Variants in TSPAN3 observed in about 807,000 individuals in gnomAD.
The protein encoded by TSPAN3 is tetraspanin 3.
A neutral mutation model predicts 31.1 loss-of-function variants in TSPAN3; 9 were observed. The ratio of observed to expected loss-of-function variants is 0.29; its 90% CI spans 0.17 to 0.50. The LOEUF (loss-of-function observed/expected upper bound fraction) is 0.50. Among genes scored for constraint, TSPAN3 ranks in the 20% least tolerant of loss-of-function variants. TSPAN3 has a pLI of 0.98. For missense variants in TSPAN3, 252 were observed against 313.5 expected (o/e 0.80, Z 1.48); for synonymous variants, 129 against 114.3 (o/e 1.13, Z -0.82).
chr15:77,057,068 A>G (rs2076773193), intron 1 of TSPAN3, among the ~76,000 whole-genome samples: 1 of 152,220 alleles, frequency 6.6e-6, no homozygotes, highest in African/African-American at 2.4e-5. Context: ...GACAAGTGAT[A>G]GGTGTGTCTT....
rs2076677454 is a variant in TSPAN3, at chr15:77,044,455, G to C, written c.*2380C>G. 6.6e-6 allele frequency: 1 copy of C among 152,244 alleles called. No individual in the cohort carries two copies. Among genetic ancestry groups the C allele is most frequent in the African/African-American group, 2.4e-5 (1 of 41,448 alleles). 9.4% of individuals were successfully genotyped at this position (152,244 alleles called of 1,614,324 possible). A position where few individuals can be genotyped will look rare whatever the true frequency, so the allele number is the denominator to read the frequency against. On this transcript the variant is annotated 3_prime_UTR_variant, in exon 7 of 7. Transcript: ENST00000267970. Reference sequence around the variant, plus strand: ...AGGCAAGAGAAAAAGGCATTTCCAGGACAACTGTGCCAGGAATTAAACACA... The same window carrying C: ...AGGCAAGAGAAAAAGGCATTTCCAGCACAACTGTGCCAGGAATTAAACACA...
intron 1 of TSPAN3, chr15:77,064,610 G>A (rs1257910460): frequency 6.6e-6 from 1 of 152,220 alleles, no homozygotes; most frequent in African/African-American, 2.4e-5. Context: ...CAAGGCTCTT[G>A]GTCAGTGGAC....
At chr15:77,053,451 CAAAA>C (rs60483848) in intron 4 of TSPAN3, among the ~76,000 whole-genome samples, 11 of 50,358 alleles carry the variant, frequency 2.2e-4, no homozygotes, top group South Asian at 1.6e-3. Context: ...TTCGCCATCT[CAAAA>C]AAAAAAAAAA....
Position 77,046,339 on chromosome 15 carries a change from T to G in TSPAN3, c.*496A>C. ...ATCTATTTTAGTCATTTTGTACAGC[T>G]GCTATCTTATTGGACTACAGTAAAT... On this transcript the variant is annotated 3_prime_UTR_variant, in exon 7 of 7. Transcript: ENST00000267970. 2.5e-6 allele frequency: 1 copy of G among 401,256 alleles called. No individual in the cohort carries two copies. Among genetic ancestry groups the G allele is most frequent in the Non-Finnish European group, 4.4e-6 (1 of 227,370 alleles). The allele number at this position is 401,256 out of a possible 1,614,324, so 24.9% of individuals were successfully genotyped here. A position where few individuals can be genotyped will look rare whatever the true frequency, so the allele number is the denominator to read the frequency against.
intron 6 of TSPAN3, among the ~76,000 whole-genome samples, chr15:77,049,094 A>T (rs1252061532): frequency 6.6e-6 from 1 of 152,238 alleles, no homozygotes; most frequent in Non-Finnish European, 1.5e-5. Flanking sequence ...TTAAAAAGGC[A>T]GATCTATATC....
intron 6 of TSPAN3, among the ~76,000 whole-genome samples, chr15:77,049,647 GTTA>G (rs2076716853): frequency 6.6e-6 from 1 of 152,084 alleles, no homozygotes; most frequent in Admixed American, 6.5e-5. Flanking sequence ...CAAAAGTCCT[GTTA>G]TTATAATTAA....
chr15:77,056,935 TGAG>T lies in TSPAN3; in HGVS notation c.64-683_64-681del, dbSNP rs761717067. 7.9e-5 allele frequency among the ~76,000 whole-genome samples: 12 copies of T among 152,234 alleles called. 1 individual carries two copies. Among genetic ancestry groups the T allele is most frequent in the Non-Finnish European group, 1.3e-4 (9 of 68,046 alleles). ...AACAAGCAGATTGATTCAGGAGGTC[TGAG>T]GAGGAGCCTGAGAGTCTGCATTTCT... On this transcript the variant is annotated intron_variant, in intron 1 of 6. Coordinates refer to ENST00000267970, the MANE Select transcript of TSPAN3 (RefSeq NM_005724.6).
chr15:77,055,656 G>A (rs1357707430), intron 3 of TSPAN3, 133 bp downstream of exon 3: 1 of 679,480 alleles, frequency 1.5e-6, no homozygotes, highest in Admixed American at 3.4e-5. Context: ...ATTAACTTTA[G>A]ATATTTGAAA....
Position 77,052,454 on chromosome 15 carries a change from T to C in TSPAN3, c.600A>G (p.Leu200=). The C allele has an allele frequency of 6.2e-7, 1 of 1,614,010 alleles. No individual in the cohort carries two copies. Among genetic ancestry groups the C allele is most frequent in the Non-Finnish European group, 8.5e-7 (1 of 1,179,880 alleles). The change falls in exon 6 of 7, where the codon CTA becomes CTG. Residue 200 remains leucine (L), a synonymous_variant. Coordinates refer to ENST00000267970, the MANE Select transcript of TSPAN3 (RefSeq NM_005724.6). The stretch of plus-strand genomic sequence containing the variant: ...TGATTTCTTGTAGCTTCTTCACTAC[T>C]AGAGCCTCACACCCCTGTAACAAAC... ...SDLYAEGCEA[L]VVKKLQEIMM...
intron 1 of TSPAN3, chr15:77,064,489 A>G (rs1021989026): frequency 6.6e-6 from 1 of 152,230 alleles, no homozygotes; most frequent in Non-Finnish European, 1.5e-5. Flanking sequence ...AATTCATTAA[A>G]TTATTTCAAA....
intron 1 of TSPAN3, among the ~76,000 whole-genome samples, chr15:77,062,043 A>G (rs1568544565): frequency 2.6e-5 from 4 of 152,240 alleles, no homozygotes; most frequent in African/African-American, 9.6e-5. Context: ...CTTTGTAAGA[A>G]AGCAGGTTTT....
chr15:77,055,861 A>G lies in TSPAN3; in HGVS notation c.258T>C (p.Phe86=), dbSNP rs1289475302. ...IRESRCGLAT[F]VIILLLVFVT... Reference sequence around the variant, plus strand: ...CAAAAACCAAGAGCAGGATGATGACAAACTGTAAGAAAACATGGTTTAAAA... The same window carrying G: ...CAAAAACCAAGAGCAGGATGATGACGAACTGTAAGAAAACATGGTTTAAAA... The change falls in exon 3 of 7, where the codon TTT becomes TTC. Residue 86 remains phenylalanine (F), a splice_region_variant and synonymous_variant. Coordinates refer to ENST00000267970, the MANE Select transcript of TSPAN3 (RefSeq NM_005724.6). 3.1e-6 allele frequency: 5 copies of G among 1,603,714 alleles called. No homozygotes were observed. Among genetic ancestry groups the G allele is most frequent in the Middle Eastern group, 1.7e-4 (1 of 6,022 alleles).
In TSPAN3 at chr15:77,070,981, C is replaced by G. The variant is rs1368533058; in HGVS notation, c.-27G>C. On this transcript the variant is annotated 5_prime_UTR_variant, in exon 1 of 7. Transcript: ENST00000267970. ...GCGCCGGTGGCCCGCGAAGGCCCGG[C>G]CCGGAGAGCGGGGCTGCGCTCACCG... 2 of 1,413,870 alleles carry G rather than the reference C, an allele frequency of 1.4e-6. No homozygotes were observed. The highest frequency in any genetic ancestry group is 9.3e-7 in the Non-Finnish European group (1 of 1,075,734). 87.6% of individuals were successfully genotyped at this position (1,413,870 alleles called of 1,614,324 possible).
chr15:77,052,674 T>C (rs1311428891), intron 5 of TSPAN3, 103 bp downstream of exon 5: 13 of 1,342,192 alleles, frequency 9.7e-6, no homozygotes, highest in Middle Eastern at 1.9e-4. Context: ...ATATATGACA[T>C]TAAAGACAAG....
intron 1 of TSPAN3, chr15:77,064,105 T>C (rs2076816699): frequency 6.6e-6 from 1 of 152,196 alleles, no homozygotes; most frequent in African/African-American, 2.4e-5. Context: ...TAAATGCAGA[T>C]AATTTTTCTT....
intron 4 of TSPAN3, 139 bp from the exon 5 acceptor site, chr15:77,053,068 C>A: frequency 1.2e-6 from 1 of 833,132 alleles, no homozygotes; most frequent in Non-Finnish European, 1.8e-6. Context: ...CTGCATGATC[C>A]AATATAGCAG....
At chr15:77,047,904 C>A (rs1214819818) in intron 6 of TSPAN3, among the ~76,000 whole-genome samples, 2 of 152,180 alleles carry the variant, frequency 1.3e-5, no homozygotes, top group Admixed American at 6.5e-5. Flanking sequence ...AATCCATAAA[C>A]AGACTCTCAA....
At position 77,043,847 on chromosome 15, in the gene TSPAN3, C is replaced by T. The variant is rs1180166213; in HGVS notation, c.*2988G>A. 1 of 152,154 alleles carries T rather than the reference C, an allele frequency of 6.6e-6. No individual in the cohort carries two copies. Among genetic ancestry groups the T allele is most frequent in the Non-Finnish European group, 1.5e-5 (1 of 68,020 alleles). The allele number at this position is 152,154 out of a possible 1,614,324, so 9.4% of individuals were successfully genotyped here. ...GAGTATCTTCTTCTTGGTAAGTACC[C>T]ACTGAGGTATTAGGGGTAAAAGGCC... On this transcript the variant is annotated 3_prime_UTR_variant, in exon 7 of 7. Coordinates refer to ENST00000267970, the MANE Select transcript of TSPAN3 (RefSeq NM_005724.6).
intron 1 of TSPAN3, among the ~76,000 whole-genome samples, chr15:77,061,299 C>T (rs1232565691): frequency 6.6e-6 from 1 of 152,090 alleles, no homozygotes; most frequent in Non-Finnish European, 1.5e-5. Flanking sequence ...AGGCCAAGGC[C>T]GGCAGATCAT....
Sources: gnomAD v4.1 joint callset for allele counts (sites outside exome capture counted in the v4.1 genomes callset) on GRCh38, gnomAD v4.1.1 for gene constraint, MANE v1.5 for transcripts, NCBI Gene and HGNC (gene_info 2026-07-23, HGNC 2026-07-21) for gene names.